ZNF592: variants seen among roughly 807,000 people sequenced by gnomAD.
ZNF592 encodes the protein zinc finger protein 592.
ZNF592 carries 11 observed loss-of-function variants against 80.3 expected under a neutral mutation model. That is an observed-to-expected ratio of 0.14 (90% CI 0.09 to 0.23). The LOEUF (loss-of-function observed/expected upper bound fraction) is 0.23. ZNF592 is among the 10% of genes least tolerant of loss of function. ZNF592 has a pLI of 1.00. For synonymous variants in ZNF592, 646 were observed against 640.3 expected, an observed-to-expected ratio of 1.01 and a Z score of -0.13; for missense variants, 1,420 against 1,633.9, an observed-to-expected ratio of 0.87 and a Z score of 2.26.
At chr15:84,772,636 A>C (rs953829265) in intron 2 of ZNF592, among the ~76,000 whole-genome samples, 1 of 152,244 alleles carries the variant, frequency 6.6e-6, no homozygotes, top group Non-Finnish European at 1.5e-5. Context: ...ATAGTCAGTC[A>C]TGTGGGGGAG....
At position 84,764,785 on chromosome 15, in the gene ZNF592, G is replaced by A. The variant is rs547931030; in HGVS notation, c.-180G>A. 14 of 398,862 alleles carry A rather than the reference G, an allele frequency of 3.5e-5. No individual in the cohort carries two copies. Among genetic ancestry groups the A allele is most frequent in the South Asian group, 2.6e-4 (2 of 7,840 alleles). The allele number at this position is 398,862 out of a possible 1,614,324, so 24.7% of individuals were successfully genotyped here. On this transcript the variant is annotated 5_prime_UTR_variant, in exon 2 of 11. Coordinates refer to ENST00000560079, the MANE Select transcript of ZNF592 (RefSeq NM_014630.3). ...CAGCTCTGCTCCCCTAGCAACGCTCGCCACACCCTTGTTTTGAGATCCTCT... is the reference window on the plus strand; with the variant it reads ...CAGCTCTGCTCCCCTAGCAACGCTCACCACACCCTTGTTTTGAGATCCTCT...
chr15:84,777,475 CAAAAAAAAA>C (rs549871970), intron 2 of ZNF592, among the ~76,000 whole-genome samples: 1 of 55,118 alleles, frequency 1.8e-5, no homozygotes, highest in Non-Finnish European at 3.6e-5. Flanking sequence ...GACTCCGTCT[CAAAAAAAAA>C]AAAAAAGAAA....
Position 84,798,191 on chromosome 15 carries a change from G to T in ZNF592, c.2577-124G>T. ...GTACTAAGGATGTCCTGAGGCAGGG[G>T]AGCATCCACATTGGCTCAGGGTAGT... is the stretch of plus-strand genomic sequence containing the variant. On this transcript the variant is annotated intron_variant, in intron 6 of 10. Transcript: ENST00000560079. The surrounding 1 kb of genome is among the most constrained non-coding windows in gnomAD (Gnocchi z 4.5). 6.4e-7 allele frequency: 1 copy of T among 1,565,132 alleles called. No homozygotes were observed. The highest frequency in any genetic ancestry group is 8.7e-7 in the Non-Finnish European group (1 of 1,145,350).
rs1258871027 is a variant in ZNF592 at position 84,781,983 on chromosome 15, G to A, written c.-19-674G>A. Among the ~76,000 whole-genome samples the A allele has an allele frequency of 2.0e-5, 3 of 152,304 alleles. No individual in the cohort carries two copies. In the East Asian group the frequency reaches 5.8e-4, roughly 29 times the overall value. On this transcript the variant is annotated intron_variant, in intron 3 of 10. Transcript: ENST00000560079. Reference sequence around the variant, plus strand: ...CACTTGGCCAATTTGATAACTGTTGGTACTTTGCAAGTCACCCTGTTCCTC... The same window carrying A: ...CACTTGGCCAATTTGATAACTGTTGATACTTTGCAAGTCACCCTGTTCCTC...
In ZNF592 at chr15:84,798,779, G is replaced by A. The variant is rs763706681; in HGVS notation, c.2928G>A (p.Pro976=). The change falls in exon 8 of 11, where the codon CCG becomes CCA. Residue 976 remains proline (P), a synonymous_variant. Coordinates refer to ENST00000560079, the MANE Select transcript of ZNF592 (RefSeq NM_014630.3). The surrounding 1 kb of genome is among the most constrained non-coding windows in gnomAD (Gnocchi z 4.5). ...CCCACCGCAGGGTGGAAGCCAGGCC[G>A]CGGCTGAGGAACACTGGCTGGACCT... ...PEAHRRVEAR[P]RLRNTGWTCQ... 8.7e-6 allele frequency: 14 copies of A among 1,604,048 alleles called. No homozygotes were observed. The highest frequency in any genetic ancestry group is 4.0e-5 in the African/African-American group (3 of 74,922).
Position 84,783,761 on chromosome 15 carries a change from G to A in ZNF592, c.1086G>A (p.Pro362=), listed in dbSNP as rs759430463. 38 of 1,614,100 alleles carry A rather than the reference G, an allele frequency of 2.4e-5. No homozygotes were observed. In the Admixed American group the frequency reaches 4.3e-4, roughly 18 times the overall value. ...ICSDSSSKGS[P]SVAASSPPAI... is the part of the protein sequence containing the mutation. Reference sequence around the variant, plus strand: ...GTGACAGCAGCAGCAAAGGCTCACCGTCTGTGGCTGCCAGCTCCCCACCAG... The same window carrying A: ...GTGACAGCAGCAGCAAAGGCTCACCATCTGTGGCTGCCAGCTCCCCACCAG... Residue 362 remains proline (P), a synonymous_variant, in exon 4 of 11, where the codon CCG becomes CCA. Transcript: ENST00000560079. The surrounding 1 kb of genome is among the most constrained non-coding windows in gnomAD (Gnocchi z 5.0).
intron 4 of ZNF592, among the ~76,000 whole-genome samples, chr15:84,785,315 T>C (rs895461563): frequency 3.3e-5 from 5 of 151,780 alleles, no homozygotes; most frequent in Admixed American, 1.3e-4. Flanking sequence ...ACTTTGTCTT[T>C]TTTTTTTTTT....
In ZNF592 at chr15:84,784,284, T is replaced by G. The variant is rs745948943; in HGVS notation, c.1609T>G (p.Ser537Ala). 1 of 1,614,224 alleles carries G rather than the reference T, an allele frequency of 6.2e-7. No homozygotes were observed. The highest frequency in any genetic ancestry group is 1.1e-5 in the South Asian group (1 of 91,088). The change falls in exon 4 of 11, where the codon TCG (serine) becomes GCG (alanine). Residue 537 changes from serine to alanine, a missense_variant. Ser to Ala is a moderately conservative substitution (Grantham distance 99). Around this residue, in one of 7 missense-constraint regions of ZNF592, gnomAD observed 524 missense variants for 628.3 expected, o/e 0.83. Transcript: ENST00000560079. The surrounding 1 kb of genome is among the most constrained non-coding windows in gnomAD (Gnocchi z 5.8). ...RRSQPQLTQM[S>A]VPLVHQVKKA... ...GAGCCAGCCACAGCTTACACAAATG[T>G]CGGTGCCCCTGGTCCACCAGGTGAA...
intron 4 of ZNF592, among the ~76,000 whole-genome samples, chr15:84,785,740 A>G (rs1962569776): frequency 6.6e-6 from 1 of 152,138 alleles, no homozygotes; most frequent in African/African-American, 2.4e-5. Flanking sequence ...GAGTGGACAG[A>G]CATGTGGGGC....
intron 5 of ZNF592, among the ~76,000 whole-genome samples, chr15:84,793,043 A>T (rs996750339): frequency 6.6e-6 from 1 of 152,110 alleles, no homozygotes; most frequent in African/African-American, 2.4e-5. Flanking sequence ...ATCAACACTT[A>T]AATATTTATC....
chr15:84,760,861 G>T (rs767684750), intron 1 of ZNF592, among the ~76,000 whole-genome samples: 1 of 152,154 alleles, frequency 6.6e-6, no homozygotes, highest in Admixed American at 6.5e-5. Flanking sequence ...ACCAGTGAGG[G>T]GCAGCTGCTG....
rs994484488 is a variant in ZNF592, at chr15:84,756,824, T to TC, written c.-258-7883_-258-7882insC. On this transcript the variant is annotated intron_variant, in intron 1 of 10. Transcript: ENST00000560079. The stretch of plus-strand genomic sequence containing the variant: ...TCAAACGATCCTCCCTTTAAAAATT[T>TC]TTTTTTGCTAGGCACAGTGGCTCAC... 2.0e-5 allele frequency among the ~76,000 whole-genome samples: 3 copies of TC among 152,062 alleles called. No individual in the cohort carries two copies. In the East Asian group the frequency reaches 5.8e-4, roughly 29 times the overall value.
At chr15:84,749,300 G>A (rs961009327) in intron 1 of ZNF592, among the ~76,000 whole-genome samples, 7 of 152,178 alleles carry the variant, frequency 4.6e-5, no homozygotes, top group Non-Finnish European at 4.4e-5. Flanking sequence ...GCCAACGAGG[G>A]GGTTGGCGGG....
At chr15:84,767,285 G>A (rs1036066415) in intron 2 of ZNF592, among the ~76,000 whole-genome samples, 3 of 151,970 alleles carry the variant, frequency 2.0e-5, no homozygotes, top group African/African-American at 4.8e-5. Context: ...CTCGGCCTCC[G>A]AAAGTGCTGG....
Position 84,799,332 on chromosome 15 carries a change from C to T in ZNF592, c.3137+122C>T. The T allele has an allele frequency of 2.8e-6, 3 of 1,085,516 alleles. No homozygotes were observed. Among genetic ancestry groups the T allele is most frequent in the South Asian group, 2.6e-5 (2 of 78,312 alleles). The allele number at this position is 1,085,516 out of a possible 1,614,324, so 67.2% of individuals were successfully genotyped here. A position where few individuals can be genotyped will look rare whatever the true frequency, so the allele number is the denominator to read the frequency against. On this transcript the variant is annotated intron_variant, in intron 9 of 10. Transcript: ENST00000560079. The surrounding 1 kb of genome is among the most constrained non-coding windows in gnomAD (Gnocchi z 4.2). Reference sequence around the variant, plus strand: ...AAGACAAGAGACAAGTGATTTCCAACTGGAAGAAATTGCGGCTAAGTCAGA... The same window carrying T: ...AAGACAAGAGACAAGTGATTTCCAATTGGAAGAAATTGCGGCTAAGTCAGA...
chr15:84,760,130 A>G (rs72753028), intron 1 of ZNF592, among the ~76,000 whole-genome samples: 7 of 95,306 alleles, frequency 7.3e-5, no homozygotes, highest in Non-Finnish European at 1.2e-4. Context: ...ATAAGTGGTT[A>G]AAAAAAAAAA....
chr15:84,784,957 G>C lies in ZNF592; in HGVS notation c.2220+62G>C, dbSNP rs998058174. 9.3e-5 allele frequency: 145 copies of C among 1,566,944 alleles called. No homozygotes were observed. Among genetic ancestry groups the C allele is most frequent in the East Asian group, 4.3e-4 (19 of 44,656 alleles). Reference sequence around the variant, plus strand: ...TGGCTCACACAGGTTCCATGACTGGGCATGGAGAGGAAAGCTCATTGATAT... The same window carrying C: ...TGGCTCACACAGGTTCCATGACTGGCCATGGAGAGGAAAGCTCATTGATAT... On this transcript the variant is annotated intron_variant, in intron 4 of 10. Coordinates refer to ENST00000560079, the MANE Select transcript of ZNF592 (RefSeq NM_014630.3). The surrounding 1 kb of genome is among the most constrained non-coding windows in gnomAD (Gnocchi z 5.8).
In ZNF592 at chr15:84,783,089, C is replaced by T. The variant is rs1252416932; in HGVS notation, c.414C>T (p.Phe138=). 1 of 1,614,168 alleles carries T rather than the reference C, an allele frequency of 6.2e-7. No homozygotes were observed. Among genetic ancestry groups the T allele is most frequent in the South Asian group, 1.1e-5 (1 of 91,078 alleles). Residue 138 remains phenylalanine (F), a synonymous_variant, in exon 4 of 11, where the codon TTC becomes TTT. Coordinates refer to ENST00000560079, the MANE Select transcript of ZNF592 (RefSeq NM_014630.3). The surrounding 1 kb of genome is among the most constrained non-coding windows in gnomAD (Gnocchi z 5.0). ...EPPKSEPLPT[F]NQFSPISSPE... The stretch of plus-strand genomic sequence containing the variant: ...CCAAGTCAGAGCCATTACCCACCTT[C>T]AACCAGTTCAGTCCAATCTCCAGCC...
chr15:84,783,189 C>T lies in ZNF592; in HGVS notation c.514C>T (p.Pro172Ser), dbSNP rs772928025. ...ACACTCTGACAGTTATTTCCCACCC[C>T]CTCTTGGGTGCGGGGCTGTGGGAGG... ...PKHSDSYFPP[P>S]LGCGAVGGPV... The change falls in exon 4 of 11, where the codon CCT becomes TCT. Residue 172 changes from proline to serine, a missense_variant. This residue lies in a region of ZNF592 where 373 missense variants were observed against 355.5 expected (regional missense o/e 1.05). Coordinates refer to ENST00000560079, the MANE Select transcript of ZNF592 (RefSeq NM_014630.3). The surrounding 1 kb of genome is among the most constrained non-coding windows in gnomAD (Gnocchi z 5.0). The T allele has an allele frequency of 5.6e-6, 9 of 1,614,180 alleles. No homozygotes were observed. In the East Asian group the frequency reaches 1.3e-4, roughly 24 times the overall value.
Sources: allele counts gnomAD v4.1 joint callset (sites outside exome capture counted in the v4.1 genomes callset), GRCh38; gene constraint gnomAD v4.1.1; regional missense constraint gnomAD v4.1.1; non-coding constraint Gnocchi (gnomAD v3.1); transcripts MANE v1.5; gene names NCBI Gene and HGNC (gene_info 2026-07-23, HGNC 2026-07-21).